Variants in PALMD observed in about 807,000 individuals in gnomAD.
The protein encoded by PALMD is paralemmin-like protein.
PALMD carries 42 observed loss-of-function variants against 56.2 expected under a neutral mutation model. The ratio of observed to expected loss-of-function variants is 0.75; its 90% confidence interval spans 0.58 to 0.97. The LOEUF (loss-of-function observed/expected upper bound fraction) is 0.97. PALMD is among the 50% of genes least tolerant of loss of function. The pLI, the probability that PALMD is intolerant of heterozygous loss-of-function variation, is 0.00. For synonymous variants in PALMD, 242 were observed against 222.9 expected, an observed-to-expected ratio of 1.09 and a Z score of -0.76; for missense variants, 660 against 643.8, an observed-to-expected ratio of 1.03 and a Z score of -0.27.
chr1:99,660,229 A>G (rs1652817566), intron 1 of PALMD, among the ~76,000 whole-genome samples: 1 of 152,220 alleles, frequency 6.6e-6, no homozygotes, highest in African/African-American at 2.4e-5. Context: ...AAGAAAAAGG[A>G]AGAAACTGTG....
At chr1:99,682,933 G>A (rs1653376494) in intron 3 of PALMD, among the ~76,000 whole-genome samples, 1 of 151,398 alleles carries the variant, frequency 6.6e-6, no homozygotes, top group Non-Finnish European at 1.5e-5. Context: ...TCGAACCTGG[G>A]AGGCAGAGGT....
intron 3 of PALMD, among the ~76,000 whole-genome samples, chr1:99,682,291 T>C (rs1653362196): frequency 6.6e-6 from 1 of 152,226 alleles, no homozygotes. Context: ...TTTGTGATTC[T>C]AAGTAATTAG....
chr1:99,692,831 C>A (rs1653691386), intron 7 of PALMD, among the ~76,000 whole-genome samples: 1 of 152,214 alleles, frequency 6.6e-6, no homozygotes, highest in African/African-American at 2.4e-5. Context: ...TAACTACAGC[C>A]TCTGCCAGCA....
At chr1:99,649,713 A>G (rs905703402) in intron 1 of PALMD, among the ~76,000 whole-genome samples, 6 of 152,240 alleles carry the variant, frequency 3.9e-5, no homozygotes, top group Admixed American at 1.3e-4. Context: ...ATTGGAAAAT[A>G]CCATTACAAA....
chr1:99,685,112 T>C (rs1178251753), intron 3 of PALMD: 2 of 152,250 alleles, frequency 1.3e-5, no homozygotes, highest in Admixed American at 1.3e-4. Context: ...TTACATCTGA[T>C]ATCAACCATA....
At position 99,688,453 on chromosome 1, in the gene PALMD, A is replaced by G. The variant is rs535828292; in HGVS notation, c.515-322A>G. On this transcript the variant is annotated intron_variant, in intron 6 of 7. Coordinates refer to ENST00000263174, the MANE Select transcript of PALMD (RefSeq NM_017734.5). Reference sequence around the variant, plus strand: ...TATATCCATCTTGCTGAATTTATTAATAGGAAAGAGGATATCTTTTTCGGT... The same window carrying G: ...TATATCCATCTTGCTGAATTTATTAGTAGGAAAGAGGATATCTTTTTCGGT... Among the ~76,000 whole-genome samples the G allele has an allele frequency of 8.0e-5, 12 of 150,648 alleles. No individual in the cohort carries two copies. In the South Asian group the frequency reaches 2.3e-3, roughly 29 times the overall value.
intron 6 of PALMD, among the ~76,000 whole-genome samples, chr1:99,688,374 T>C (rs888299174): frequency 6.6e-6 from 1 of 152,150 alleles, no homozygotes; most frequent in African/African-American, 2.4e-5. Flanking sequence ...TCCAACATAT[T>C]CTTCTTGACT....
chr1:99,653,464 G>C (rs1053821339), intron 1 of PALMD, among the ~76,000 whole-genome samples: 3 of 152,024 alleles, frequency 2.0e-5, no homozygotes, highest in Non-Finnish European at 4.4e-5. Flanking sequence ...GTTAGAATGT[G>C]TTGTAAGGTT....
intron 3 of PALMD, among the ~76,000 whole-genome samples, chr1:99,679,723 T>A (rs1297872820): frequency 5.3e-5 from 8 of 152,192 alleles, no homozygotes; most frequent in East Asian, 1.9e-4. Context: ...TCAATTTTTT[T>A]AAGTTTTCTT....
In PALMD at chr1:99,689,857, G is replaced by A; in HGVS notation, c.1597G>A (p.Asp533Asn). The A allele has an allele frequency of 6.2e-7, 1 of 1,607,796 alleles. No individual in the cohort carries two copies. ...TCAGACAACTGGAGATGGGACTGAGGATCCATCCTTAACAGGTAATAAAAA... is the reference window on the plus strand; with the variant it reads ...TCAGACAACTGGAGATGGGACTGAGAATCCATCCTTAACAGGTAATAAAAA... ...DAQTTGDGTE[D>N]PSLTALRMRM... The change falls in exon 7 of 8, where the codon GAT (aspartate) becomes AAT (asparagine). Residue 533 changes from aspartate (D) to asparagine (N), a missense_variant. Coordinates refer to ENST00000263174, the MANE Select transcript of PALMD (RefSeq NM_017734.5).
intron 3 of PALMD, among the ~76,000 whole-genome samples, chr1:99,671,139 C>T (rs1022740366): frequency 6.6e-6 from 1 of 152,176 alleles, no homozygotes; most frequent in Non-Finnish European, 1.5e-5. Context: ...TACGTGCCTG[C>T]TCGAGGGTGA....
intron 1 of PALMD, among the ~76,000 whole-genome samples, chr1:99,654,078 T>A (rs1320424116): frequency 6.6e-6 from 1 of 151,906 alleles, no homozygotes; most frequent in African/African-American, 2.4e-5. Flanking sequence ...AAATAAAAGA[T>A]AAAAAAGCAT....
intron 1 of PALMD, 45 bp from the exon 2 acceptor site, chr1:99,662,274 A>G (rs747232975): frequency 9.7e-7 from 1 of 1,033,168 alleles, no homozygotes; most frequent in Admixed American, 1.9e-5. Context: ...AAACATAATT[A>G]AGCAAATTTT....
intron 3 of PALMD, among the ~76,000 whole-genome samples, chr1:99,682,198 A>G (rs1653360971): frequency 6.6e-6 from 1 of 152,212 alleles, no homozygotes; most frequent in South Asian, 2.1e-4. Context: ...TCAAATCAAC[A>G]TACAAAAATA....
chr1:99,682,954 C>T (rs1354169781), intron 3 of PALMD, among the ~76,000 whole-genome samples: 2 of 149,798 alleles, frequency 1.3e-5, no homozygotes, highest in Non-Finnish European at 3.0e-5. Context: ...TACAGTGAGC[C>T]GAGATTGCAC....
At chr1:99,678,962 C>G (rs956655273) in intron 3 of PALMD, among the ~76,000 whole-genome samples, 2 of 146,656 alleles carry the variant, frequency 1.4e-5, no homozygotes, top group Non-Finnish European at 3.0e-5. Flanking sequence ...GATACCTTGA[C>G]TCTTAAAAAA....
chr1:99,657,340 C>T (rs766673764), intron 1 of PALMD, among the ~76,000 whole-genome samples: 14 of 152,200 alleles, frequency 9.2e-5, no homozygotes, highest in Non-Finnish European at 1.6e-4. Context: ...TCTGCTCTCT[C>T]GTCAGTTTCC....
At chr1:99,657,633 TA>T (rs1460854439) in intron 1 of PALMD, among the ~76,000 whole-genome samples, 3 of 152,222 alleles carry the variant, frequency 2.0e-5, no homozygotes, top group African/African-American at 7.2e-5. Flanking sequence ...GAAAACTTTT[TA>T]TTGCTCCTTA....
intron 1 of PALMD, among the ~76,000 whole-genome samples, chr1:99,657,040 T>G (rs543067232): frequency 6.6e-6 from 1 of 152,196 alleles, no homozygotes; most frequent in Admixed American, 6.5e-5. Context: ...TAAACTTCCA[T>G]GTGGGTTCCC....
Sources: gnomAD v4.1 joint callset for allele counts (sites outside exome capture counted in the v4.1 genomes callset) on GRCh38, gnomAD v4.1.1 for gene constraint, MANE v1.5 for transcripts, NCBI Gene and HGNC (gene_info 2026-07-23, HGNC 2026-07-21) for gene names.